Variants in IL1RAPL1 observed in about 807,000 individuals in gnomAD.
IL1RAPL1 encodes the protein interleukin 1 receptor accessory protein like 1.
A neutral mutation model predicts 48.4 loss-of-function variants in IL1RAPL1; 3 were observed. That is an observed-to-expected ratio of 0.06 (90% CI 0.03 to 0.16). The LOEUF is 0.16. Among genes scored for constraint, IL1RAPL1 ranks in the 10% least tolerant of loss-of-function variants. The pLI, the probability that IL1RAPL1 is intolerant of heterozygous loss-of-function variation, is 1.00. For synonymous variants in IL1RAPL1, 185 were observed against 187.7 expected (o/e 0.99, Z 0.12); for missense variants, 349 against 530.6 (o/e 0.66, Z 3.36).
intron 2 of IL1RAPL1, among the ~76,000 whole-genome samples, chrX:29,165,654 G>GA (rs1185990084): frequency 9.0e-6 from 1 of 111,697 alleles, no homozygotes; most frequent in African/African-American, 3.3e-5. Flanking sequence ...GCTGGTTATT[G>GA]AAAAAAGTGG....
At chrX:29,323,725 AT>A (rs2064147754) in intron 3 of IL1RAPL1, among the ~76,000 whole-genome samples, 1 of 3,607 alleles carries the variant, frequency 2.8e-4, no homozygotes, top group Admixed American at 4.1e-3. Context: ...ATATATATAT[AT>A]ATATATATAT....
intron 1 of IL1RAPL1, among the ~76,000 whole-genome samples, chrX:28,747,432 G>A (rs1409922325): frequency 9.0e-6 from 1 of 110,943 alleles, no homozygotes; most frequent in Admixed American, 9.7e-5. Context: ...CTTGAGGCCA[G>A]GAGTTCAAGA....
At chrX:28,650,705 A>G (rs1934673463) in intron 1 of IL1RAPL1, among the ~76,000 whole-genome samples, 1 of 111,829 alleles carries the variant, frequency 8.9e-6, no homozygotes, top group Non-Finnish European at 1.9e-5. Flanking sequence ...CAACTTTATT[A>G]GAAGAGAGGA....
chrX:28,831,024 C>CTGTG (rs150869644), intron 2 of IL1RAPL1, among the ~76,000 whole-genome samples: 40 of 59,228 alleles, frequency 6.8e-4, no homozygotes, highest in South Asian at 2.3e-3. Context: ...CTCTCTCTCT[C>CTGTG]TCTGTGTGTG....
chrX:29,113,499 A>T (rs1338833201), intron 2 of IL1RAPL1, among the ~76,000 whole-genome samples: 1 of 112,023 alleles, frequency 8.9e-6, no homozygotes, highest in Non-Finnish European at 1.9e-5. Flanking sequence ...ATATATTTAC[A>T]TAATGAGGCT....
intron 2 of IL1RAPL1, among the ~76,000 whole-genome samples, chrX:28,836,686 A>T (rs1921226700): frequency 9.1e-6 from 1 of 110,369 alleles, no homozygotes; most frequent in Non-Finnish European, 1.9e-5. Context: ...CGAGAAGGAA[A>T]CTTAAGAAAG....
chrX:29,289,293 G>C (rs1932335737), intron 3 of IL1RAPL1, among the ~76,000 whole-genome samples: 1 of 111,886 alleles, frequency 8.9e-6, no homozygotes, highest in African/African-American at 3.2e-5. Flanking sequence ...TAGTTTTATG[G>C]GGTTGGATGT....
chrX:28,919,744 TA>T (rs1426981851), intron 2 of IL1RAPL1, among the ~76,000 whole-genome samples: 1 of 111,808 alleles, frequency 8.9e-6, no homozygotes, highest in Non-Finnish European at 1.9e-5. Flanking sequence ...ATAATATAAA[TA>T]AAAAATGAAT....
intron 3 of IL1RAPL1, among the ~76,000 whole-genome samples, chrX:29,339,075 T>TACAC (rs758487838): frequency 0.05 from 4,601 of 91,995 alleles, 139 homozygotes; most frequent in African/African-American, 0.096. Flanking sequence ...GCTGGGTAAA[T>TACAC]ACACACACAC....
At chrX:29,722,083 A>T (rs1927650429) in intron 6 of IL1RAPL1, among the ~76,000 whole-genome samples, 1 of 111,400 alleles carries the variant, frequency 9.0e-6, no homozygotes, top group Non-Finnish European at 1.9e-5. Flanking sequence ...GTATTTATTT[A>T]AGGTATGCAA....
intron 5 of IL1RAPL1, among the ~76,000 whole-genome samples, chrX:29,494,638 A>G (rs1166830592): frequency 8.9e-6 from 1 of 111,964 alleles, no homozygotes; most frequent in Non-Finnish European, 1.9e-5. Context: ...CGTTTCTTTT[A>G]ATATCTAGAC....
At chrX:29,916,050 T>C (rs1932798566) in intron 6 of IL1RAPL1, among the ~76,000 whole-genome samples, 1 of 101,706 alleles carries the variant, frequency 9.8e-6, no homozygotes, top group Non-Finnish European at 2.0e-5. Flanking sequence ...GTTTCCAGTT[T>C]CATCCATGTC....
chrX:29,908,247 C>CAGAT (rs760177264), intron 6 of IL1RAPL1, among the ~76,000 whole-genome samples: 4 of 109,593 alleles, frequency 3.6e-5, no homozygotes, highest in Admixed American at 9.9e-5. Context: ...TCATATTAGG[C>CAGAT]AGATAGTGTT....
chrX:29,593,317 A>T (rs1201499955), intron 5 of IL1RAPL1, among the ~76,000 whole-genome samples: 3 of 111,535 alleles, frequency 2.7e-5, no homozygotes, highest in Non-Finnish European at 5.6e-5. Context: ...TATGGTTCCT[A>T]CCAGGTTCGT....
chrX:29,848,498 C>T (rs1249417905), intron 6 of IL1RAPL1, among the ~76,000 whole-genome samples: 1 of 110,068 alleles, frequency 9.1e-6, no homozygotes, highest in Admixed American at 9.7e-5. Context: ...CAGACTTGTG[C>T]AGAGCAGCTT....
At chrX:29,140,221 C>T (rs1490326948) in intron 2 of IL1RAPL1, among the ~76,000 whole-genome samples, 4 of 111,693 alleles carry the variant, frequency 3.6e-5, no homozygotes, top group African/African-American at 1.3e-4. Context: ...ATGAGGAATC[C>T]ACTCCCATGA....
intron 1 of IL1RAPL1, among the ~76,000 whole-genome samples, chrX:28,699,788 A>C (rs145960367): frequency 0.03 from 3,350 of 112,130 alleles, 133 homozygotes; most frequent in African/African-American, 0.1. Flanking sequence ...AACCATATGT[A>C]AATGGTGAAC....
At chrX:29,787,532 T>G (rs1201795538) in intron 6 of IL1RAPL1, among the ~76,000 whole-genome samples, 3 of 111,695 alleles carry the variant, frequency 2.7e-5, no homozygotes, top group Non-Finnish European at 5.6e-5. Context: ...AAAGTGTCCT[T>G]GTAAGTAGTC....
chrX:28,796,663 T>C (rs1936615216), intron 2 of IL1RAPL1, among the ~76,000 whole-genome samples: 1 of 111,534 alleles, frequency 9.0e-6, no homozygotes, highest in Non-Finnish European at 1.9e-5. Context: ...CCCGTGGCTT[T>C]GCAGGGTACA....
Sources: gnomAD v4.1 joint callset for allele counts (sites outside exome capture counted in the v4.1 genomes callset) on GRCh38, gnomAD v4.1.1 for gene constraint, MANE v1.5 for transcripts, NCBI Gene and HGNC (gene_info 2026-07-23, HGNC 2026-07-21) for gene names.